Variants in AP5Z1 observed in about 807,000 individuals in gnomAD.
AP5Z1 encodes AP-5 complex subunit zeta-1.
Under a neutral mutation model 83.0 loss-of-function variants are expected in AP5Z1, and 106 were observed. That is an observed-to-expected ratio of 1.28 (90% confidence interval 1.09 to 1.50). The LOEUF (loss-of-function observed/expected upper bound fraction) is 1.50, where lower values mean the gene tolerates loss of function less well. Among genes scored for constraint, AP5Z1 ranks in the 40% most tolerant of loss-of-function variants. The pLI is 0.00. For synonymous variants in AP5Z1, 751 were observed against 514.1 expected, an observed-to-expected ratio of 1.46 and a Z score of -6.23; for missense variants, 1,565 against 1,094.2, an observed-to-expected ratio of 1.43 and a Z score of -6.07.
intron 1 of AP5Z1, 37 bp downstream of exon 1, chr7:4,775,793 A>G (rs1411104447): frequency 1.3e-6 from 2 of 1,597,340 alleles, no homozygotes; most frequent in East Asian, 2.2e-5. Context: ...TCCTTCCTGC[A>G]TCTCTCCCTA....
chr7:4,785,355 C>A lies in AP5Z1; in HGVS notation c.932-60C>A, dbSNP rs914413045. On this transcript the variant is annotated intron_variant, in intron 7 of 16. Coordinates refer to ENST00000649063, the MANE Select transcript of AP5Z1 (RefSeq NM_014855.3). ...TGGAGCTTCCAGAGCACAAGCTGCCCCCTCATTGGGCCACTCTAAGGCTGA... is the reference window on the plus strand; with the variant it reads ...TGGAGCTTCCAGAGCACAAGCTGCCACCTCATTGGGCCACTCTAAGGCTGA... The A allele has an allele frequency of 1.0e-5, 16 of 1,578,260 alleles. No individual in the cohort carries two copies. In the African/African-American group the frequency reaches 1.7e-4, roughly 17 times the overall value.
intron 9 of AP5Z1, 145 bp from the exon 10 acceptor site, chr7:4,786,105 C>T (rs1018664013): frequency 4.0e-5 from 31 of 777,560 alleles, no homozygotes; most frequent in African/African-American, 3.7e-4. Context: ...GACCAAGTGC[C>T]GCTTCCCCAG....
Position 4,784,962 on chromosome 7 carries a change from C to T in AP5Z1, c.845C>T (p.Ser282Phe). 6.2e-7 allele frequency: 1 copy of T among 1,612,128 alleles called. No homozygotes were observed. The highest frequency in any genetic ancestry group is 8.5e-7 in the Non-Finnish European group (1 of 1,179,460). The change falls in exon 7 of 17, where the codon TCT becomes TTT. Residue 282 changes from serine (S) to phenylalanine (F), a missense_variant. Physicochemically the swap from Ser to Phe is radical, Grantham distance 155. Transcript: ENST00000649063. ...STLSVISATS[S>F]AGRLLPPRER... is the part of the protein sequence containing the mutation. ...CTGTCGGTGATCTCCGCCACCTCCT[C>T]TGCCGGCCGCCTGCTGCCGCCCCGG...
intron 14 of AP5Z1, 81 bp from the exon 15 acceptor site, chr7:4,790,378 G>T (rs545831621): frequency 6.2e-7 from 1 of 1,602,396 alleles, no homozygotes; most frequent in Non-Finnish European, 8.5e-7. Context: ...ACGCTTCCCG[G>T]GTTTCTCCAG....
rs942666424 is a variant in AP5Z1, at chr7:4,785,321, G to A, written c.932-94G>A. The A allele has an allele frequency of 1.9e-5, 28 of 1,502,752 alleles. No homozygotes were observed. The highest frequency in any genetic ancestry group is 9.4e-5 in the East Asian group (4 of 42,348). 93.1% of individuals were successfully genotyped at this position (1,502,752 alleles called of 1,614,324 possible). ...GGGCCTGTCCCACCCCCCTGCTCCCGGTCCTGCCTGGAGCTTCCAGAGCAC... is the reference window on the plus strand; with the variant it reads ...GGGCCTGTCCCACCCCCCTGCTCCCAGTCCTGCCTGGAGCTTCCAGAGCAC... On this transcript the variant is annotated intron_variant, in intron 7 of 16. Coordinates refer to ENST00000649063, the MANE Select transcript of AP5Z1 (RefSeq NM_014855.3).
At chr7:4,781,099 C>T (rs939771484) in intron 1 of AP5Z1, 76 bp from the exon 2 acceptor site, 2 of 1,539,390 alleles carry the variant, frequency 1.3e-6, no homozygotes, top group Admixed American at 2.0e-5. Flanking sequence ...GGGATTTTCC[C>T]TGCTCCAAGG....
intron 1 of AP5Z1, among the ~76,000 whole-genome samples, chr7:4,778,791 ATATAAT>A (rs1781289443): frequency 1.4e-5 from 2 of 145,648 alleles, no homozygotes; most frequent in African/African-American, 5.1e-5. Context: ...GTAATATATA[ATATAAT>A]TATATGTTAT....
At chr7:4,784,733 G>A (rs906521840) in intron 6 of AP5Z1, among the ~76,000 whole-genome samples, 175 bp from the exon 7 acceptor site, 2 of 152,186 alleles carry the variant, frequency 1.3e-5, no homozygotes, top group East Asian at 1.9e-4. Context: ...CACCCTGAAG[G>A]GCGGCCGTGA....
chr7:4,781,231 A>G lies in AP5Z1; in HGVS notation c.98A>G (p.Gln33Arg). Residue 33 changes from glutamine to arginine, a missense_variant, in exon 2 of 17, where the codon CAG becomes CGG. By Grantham distance (43) the Gln-to-Arg change is conservative (BLOSUM62 1). Coordinates refer to ENST00000649063, the MANE Select transcript of AP5Z1 (RefSeq NM_014855.3). ...TGTTCCCGGATCTGTAAACTGCTGC[A>G]GGCGGAGGACTTGGGGCCGGACACC... ...KFCSRICKLL[Q>R]AEDLGPDTLD... 1.2e-6 allele frequency: 2 copies of G among 1,613,742 alleles called. No individual in the cohort carries two copies. Among genetic ancestry groups the G allele is most frequent in the Non-Finnish European group, 1.7e-6 (2 of 1,179,652 alleles).
chr7:4,784,378 G>T lies in AP5Z1; in HGVS notation c.790+7G>T. The T allele has an allele frequency of 1.3e-6, 2 of 1,589,500 alleles. No homozygotes were observed. The highest frequency in any genetic ancestry group is 8.5e-7 in the Non-Finnish European group (1 of 1,170,874). ...CCGGGCACCCTGGACACAGGTGTGC[G>T]GGGTGGGGGGATGACGTCAGACAGG... On this transcript the variant is annotated splice_region_variant and intron_variant, in intron 6 of 16. Transcript: ENST00000649063.
rs1781623838 is a variant in AP5Z1 at position 4,788,293 on chromosome 7, A to G, written c.1594A>G (p.Arg532Gly). 14 of 1,588,866 alleles carry G rather than the reference A, an allele frequency of 8.8e-6. No individual in the cohort carries two copies. The highest frequency in any genetic ancestry group is 2.3e-5 in the South Asian group (2 of 87,618). The change falls in exon 12 of 17, where the codon AGG (arginine) becomes GGG (glycine). Residue 532 changes from arginine to glycine, a missense_variant and splice_region_variant. Coordinates refer to ENST00000649063, the MANE Select transcript of AP5Z1 (RefSeq NM_014855.3). ...CCCCAAGGCCAGTGGCGCCACTGAG[A>G]GGTACGGGGCCCTAGGGCCAGGGGG... ...LRPKASGATE[R>G]LAPLHQLLQP...
At chr7:4,788,483 G>C (rs1781631815) in intron 12 of AP5Z1, 189 bp downstream of exon 12, 1 of 720,390 alleles carries the variant, frequency 1.4e-6, no homozygotes, top group Non-Finnish European at 2.1e-6. Context: ...GGCGGGGCCT[G>C]GTCTCAGCTC....
At chr7:4,782,839 AC>A (rs1247517538) in intron 3 of AP5Z1, among the ~76,000 whole-genome samples, 2 of 151,552 alleles carry the variant, frequency 1.3e-5, no homozygotes, top group African/African-American at 2.4e-5. Flanking sequence ...CCAGCGGTGC[AC>A]CCCCCGCCCG....
rs1416097124 is a variant in AP5Z1 at position 4,788,917 on chromosome 7, CGCT to C, written c.1679_1681del (p.Leu560del). ...GCCCAGTGTGCCCAGGCCGTGCCCACGCTGCTGCAGGCATTCTTCTCAGCAGTG... is the reference window on the plus strand; with the variant it reads ...GCCCAGTGTGCCCAGGCCGTGCCCACGCTGCAGGCATTCTTCTCAGCAGTG... On this transcript the variant is annotated inframe_deletion, in exon 13 of 17. Transcript: ENST00000649063. 3 of 1,611,282 alleles carry C rather than the reference CGCT, an allele frequency of 1.9e-6. No individual in the cohort carries two copies. The East Asian group carries it at 6.7e-5, about 36-fold the overall frequency.
chr7:4,778,825 A>T (rs1377253454), intron 1 of AP5Z1, among the ~76,000 whole-genome samples: 2 of 145,384 alleles, frequency 1.4e-5, no homozygotes, highest in African/African-American at 5.0e-5. Context: ...ATGTTATATT[A>T]TATATCATTA....
chr7:4,790,338 C>G, intron 14 of AP5Z1, 121 bp from the exon 15 acceptor site: 1 of 1,559,210 alleles, frequency 6.4e-7, no homozygotes, highest in Non-Finnish European at 8.7e-7. Flanking sequence ...GTTCCTCTAT[C>G]GGAGGGTGCA....
rs996728775 is a variant in AP5Z1, at chr7:4,788,417, G to T, written c.1595+123G>T. The T allele has an allele frequency of 1.1e-4, 133 of 1,243,404 alleles. No homozygotes were observed. The South Asian group carries it at 2.1e-3, about 20-fold the overall frequency. 77.0% of individuals were successfully genotyped at this position (1,243,404 alleles called of 1,614,324 possible). Reference sequence around the variant, plus strand: ...GGTGCTTTGTGTCCCACACAAGGCTGCGTCCCCGTCATCACCATTATAGAG... The same window carrying T: ...GGTGCTTTGTGTCCCACACAAGGCTTCGTCCCCGTCATCACCATTATAGAG... On this transcript the variant is annotated intron_variant, in intron 12 of 16. Coordinates refer to ENST00000649063, the MANE Select transcript of AP5Z1 (RefSeq NM_014855.3).
At position 4,784,299 on chromosome 7, in the gene AP5Z1, G is replaced by T. The variant is rs758494090; in HGVS notation, c.718G>T (p.Val240Leu). 1.2e-6 allele frequency: 2 copies of T among 1,602,434 alleles called. No homozygotes were observed. The highest frequency in any genetic ancestry group is 1.1e-5 in the South Asian group (1 of 89,016). The change falls in exon 6 of 17, where the codon GTG (valine) becomes TTG (leucine). Residue 240 changes from valine to leucine, a missense_variant. By Grantham distance (32) the Val-to-Leu change is conservative. Transcript: ENST00000649063. ...CTTCACAGACGACCAGTGGCTGAAC[G>T]TGCAGGCCTTCTCTATGCTGCGGGC... ...HRFTDDQWLN[V>L]QAFSMLRAWL...
At chr7:4,779,457 CAT>C (rs532820386) in intron 1 of AP5Z1, among the ~76,000 whole-genome samples, 174 of 144,904 alleles carry the variant, frequency 1.2e-3, no homozygotes, top group African/African-American at 4.1e-3. Context: ...TTATATATAA[CAT>C]ATATATTATA....
Sources: allele counts gnomAD v4.1 joint callset (sites outside exome capture counted in the v4.1 genomes callset), GRCh38; gene constraint gnomAD v4.1.1; transcripts MANE v1.5; gene names NCBI Gene and HGNC (gene_info 2026-07-23, HGNC 2026-07-21).